The following DYNC2I1 variants were observed in gnomAD, a reference collection of about 807,000 sequenced individuals.
DYNC2I1 encodes dynein 2 intermediate chain 1.
In DYNC2I1, 89 loss-of-function variants were observed where a neutral mutation model predicts 133.4. The ratio of observed to expected loss-of-function variants is 0.67; its 90% CI spans 0.56 to 0.80. The LOEUF (loss-of-function observed/expected upper bound fraction) is 0.80, where lower values mean the gene tolerates loss of function less well. DYNC2I1 is among the 30% of genes least tolerant of loss of function. DYNC2I1 has a pLI of 0.00. For synonymous variants in DYNC2I1, 504 were observed against 484.3 expected (o/e 1.04, Z -0.54); for missense variants, 1,291 against 1,314.5 (o/e 0.98, Z 0.28).
chr7:158,957,799 C>T (rs1186069871), downstream of DYNC2I1, among the ~76,000 whole-genome samples: 1 of 152,124 alleles, frequency 6.6e-6, no homozygotes, highest in Non-Finnish European at 1.5e-5. Flanking sequence ...GAAAGAGCAG[C>T]GCCGGGCGTG....
chr7:158,850,658 A>C, the DYNC2I1 span, among the ~76,000 whole-genome samples: 2 of 152,240 alleles, frequency 1.3e-5, no homozygotes, highest in Non-Finnish European at 2.9e-5. Context: ...TGGAGCATTT[A>C]CTGGGGCTTA....
At chr7:158,861,575 C>A (rs913361714) in intron 1 of DYNC2I1, among the ~76,000 whole-genome samples, 1 of 152,214 alleles carries the variant, frequency 6.6e-6, no homozygotes, top group African/African-American at 2.4e-5. Context: ...GCTCTGTCTA[C>A]AAAATAGACT....
chr7:158,864,125 G>C (rs539378960), intron 1 of DYNC2I1, among the ~76,000 whole-genome samples: 2 of 150,478 alleles, frequency 1.3e-5, no homozygotes, highest in South Asian at 2.1e-4. Context: ...GGGTGTGGGG[G>C]GGGGAGCAGA....
rs758510154 is a variant in DYNC2I1, at chr7:158,926,418, C to A, written c.2388C>A (p.Ser796=). The A allele has an allele frequency of 2.7e-5, 44 of 1,613,190 alleles. No individual in the cohort carries two copies. The highest frequency in any genetic ancestry group is 3.3e-5 in the Non-Finnish European group (39 of 1,179,564). ...CTTCATCAGAAATGTCAGGTTTGTC[C>A]TTCCACATCGCTTCCTTGGATGAGA... The part of the protein sequence containing the change: ...FSTQEEMSGL[S]FHIASLDESG... The change falls in exon 19 of 25, where the codon TCC becomes TCA. Residue 796 remains serine (S), a synonymous_variant. Transcript: ENST00000407559.
At chr7:158,904,131 C>T (rs943049377) in intron 10 of DYNC2I1, 5 of 152,310 alleles carry the variant, frequency 3.3e-5, no homozygotes, top group African/African-American at 9.7e-5. Context: ...TCCGGGGTTT[C>T]AGATAACTGA....
chr7:158,879,568 A>G (rs759063863), intron 4 of DYNC2I1, 116 bp from the exon 5 acceptor site: 3 of 1,126,892 alleles, frequency 2.7e-6, no homozygotes, highest in Middle Eastern at 3.0e-4. Flanking sequence ...ATTTTCTTCA[A>G]ATGTTTTTGA....
chr7:158,880,720 A>G (rs1479005012), intron 5 of DYNC2I1, among the ~76,000 whole-genome samples: 4 of 152,240 alleles, frequency 2.6e-5, no homozygotes, highest in Non-Finnish European at 5.9e-5. Flanking sequence ...CATTGATTGC[A>G]GAGGGTCTAA....
At chr7:158,890,005 CAAAAAA>C (rs35423707) in intron 7 of DYNC2I1, among the ~76,000 whole-genome samples, 3 of 67,986 alleles carry the variant, frequency 4.4e-5, no homozygotes, top group African/African-American at 1.1e-4. Context: ...GACTCCTTCT[CAAAAAA>C]AAAAAAAAAA....
At chr7:158,929,528 C>T (rs1563191321) in intron 20 of DYNC2I1, among the ~76,000 whole-genome samples, 1 of 152,096 alleles carries the variant, frequency 6.6e-6, no homozygotes, top group Non-Finnish European at 1.5e-5. Context: ...CAGGCGGTGG[C>T]GTGGGAGCCG....
intron 5 of DYNC2I1, among the ~76,000 whole-genome samples, chr7:158,882,419 A>G (rs913985984): frequency 6.6e-6 from 1 of 151,850 alleles, no homozygotes; most frequent in African/African-American, 2.4e-5. Flanking sequence ...CCCCATCTCT[A>G]CCAAAAAAAA....
chr7:158,948,628 C>T (rs1057280619), downstream of DYNC2I1, among the ~76,000 whole-genome samples: 11 of 152,084 alleles, frequency 7.2e-5, no homozygotes, highest in Non-Finnish European at 1.5e-5. Flanking sequence ...GTCTGCAGGG[C>T]AGAGTCATAT....
At chr7:158,935,482 T>G (rs1212985879) in intron 23 of DYNC2I1, among the ~76,000 whole-genome samples, 1 of 152,238 alleles carries the variant, frequency 6.6e-6, no homozygotes, top group Non-Finnish European at 1.5e-5. Flanking sequence ...GTTTACAAAT[T>G]TCCGTGTACT....
At chr7:158,888,334 T>A (rs1844823134) in intron 7 of DYNC2I1, among the ~76,000 whole-genome samples, 1 of 152,018 alleles carries the variant, frequency 6.6e-6, no homozygotes, top group South Asian at 2.1e-4. Context: ...TTTTGTTTTG[T>A]TATTACAGAT....
At chr7:158,862,763 C>G (rs775111079) in intron 1 of DYNC2I1, among the ~76,000 whole-genome samples, 4 of 152,000 alleles carry the variant, frequency 2.6e-5, no homozygotes, top group Non-Finnish European at 4.4e-5. Flanking sequence ...GCGAGTGTTA[C>G]AATTCTTAAA....
intron 4 of DYNC2I1, among the ~76,000 whole-genome samples, chr7:158,954,196 C>A (rs894486145): frequency 4.6e-5 from 7 of 152,160 alleles, no homozygotes; most frequent in African/African-American, 1.7e-4. Context: ...TGAGGCCTCC[C>A]CAGCCATGTG....
chr7:158,897,875 A>G lies in DYNC2I1; in HGVS notation c.1060-3864A>G, dbSNP rs1845896385. Among the ~76,000 whole-genome samples the G allele has an allele frequency of 1.3e-5, 2 of 152,216 alleles. 1 individual carries two copies. The highest frequency in any genetic ancestry group is 4.1e-4 in the South Asian group (2 of 4,836). On this transcript the variant is annotated intron_variant, in intron 8 of 24. Transcript: ENST00000407559. ...ATCTTTCTTCTTTTCTAATATATGC[A>G]TTCAACATTGTAAATTGCCCTCTAA...
intron 8 of DYNC2I1, among the ~76,000 whole-genome samples, chr7:158,894,111 C>CCGCA (rs1282737819): frequency 4.9e-4 from 74 of 152,338 alleles, no homozygotes; most frequent in Middle Eastern, 3.4e-3. Context: ...GCATATCCTA[C>CCGCA]TGCATATCCT....
At chr7:158,874,401 G>A (rs1462717019) in intron 3 of DYNC2I1, among the ~76,000 whole-genome samples, 1 of 152,084 alleles carries the variant, frequency 6.6e-6, no homozygotes, top group African/African-American at 2.4e-5. Context: ...AACAGTAGCT[G>A]TCCTACTATT....
At chr7:158,847,851 A>C in the DYNC2I1 span, among the ~76,000 whole-genome samples, 1 of 152,196 alleles carries the variant, frequency 6.6e-6, no homozygotes, top group Non-Finnish European at 1.5e-5. Flanking sequence ...TGTGGGGGAA[A>C]GGCAAAAATC....
Sources: allele counts gnomAD v4.1 joint callset (sites outside exome capture counted in the v4.1 genomes callset), GRCh38; gene constraint gnomAD v4.1.1; transcripts MANE v1.5; gene names NCBI Gene and HGNC (gene_info 2026-07-23, HGNC 2026-07-21).